Variants in SNAPC1 observed in about 807,000 individuals in gnomAD.
SNAPC1 encodes small nuclear RNA activating complex polypeptide 1, also known as snRNA-activating protein complex subunit 1.
In SNAPC1, 42 loss-of-function variants were observed where a neutral mutation model predicts 50.1. The ratio of observed to expected loss-of-function variants is 0.84; its 90% CI spans 0.65 to 1.08. SNAPC1 has a LOEUF of 1.08. SNAPC1 is among the 50% of genes least tolerant of loss of function. SNAPC1 has a pLI of 0.00. For missense variants in SNAPC1, 477 were observed against 427.3 expected, an observed-to-expected ratio of 1.12 and a Z score of -1.02; for synonymous variants, 164 against 144.2, an observed-to-expected ratio of 1.14 and a Z score of -0.98.
intron 6 of SNAPC1, 73 bp from the exon 7 acceptor site, chr14:61,778,775 A>G: frequency 1.1e-6 from 1 of 872,660 alleles, no homozygotes; most frequent in Non-Finnish European, 1.9e-6. Flanking sequence ...CTGATAATAA[A>G]TACTTGGGTA....
At chr14:61,787,894 G>C (rs1466171084) in intron 8 of SNAPC1, among the ~76,000 whole-genome samples, 3 of 152,104 alleles carry the variant, frequency 2.0e-5, no homozygotes, top group Admixed American at 2.0e-4. Flanking sequence ...CTTCATATAG[G>C]CACAGCAACG....
At chr14:61,783,206 T>G (rs2045090352) in intron 8 of SNAPC1, among the ~76,000 whole-genome samples, 1 of 151,582 alleles carries the variant, frequency 6.6e-6, no homozygotes, top group South Asian at 2.1e-4. Context: ...TTTGTATTTT[T>G]TTTTAGTAGA....
At chr14:61,781,260 T>A (rs1228141462) in intron 7 of SNAPC1, among the ~76,000 whole-genome samples, 1 of 151,898 alleles carries the variant, frequency 6.6e-6, no homozygotes, top group Non-Finnish European at 1.5e-5. Context: ...CCATCCTGGC[T>A]AACACGGTGA....
In SNAPC1 at chr14:61,762,426, G is replaced by T. The variant is rs1191048032; in HGVS notation, c.-35G>T. 3.7e-6 allele frequency: 6 copies of T among 1,604,592 alleles called. No homozygotes were observed. Among genetic ancestry groups the T allele is most frequent in the Admixed American group, 3.3e-5 (2 of 59,768 alleles). Reference sequence around the variant, plus strand: ...CACCGCTGGCTAGTCCGTTAGAGGCGTGCGGGCTTCGGAGGCGTGCGGGCT... The same window carrying T: ...CACCGCTGGCTAGTCCGTTAGAGGCTTGCGGGCTTCGGAGGCGTGCGGGCT... On this transcript the variant is annotated 5_prime_UTR_variant, in exon 1 of 10. Coordinates refer to ENST00000216294, the MANE Select transcript of SNAPC1 (RefSeq NM_003082.4).
rs770826839 is a variant in SNAPC1, at chr14:61,778,926, A to G, written c.825+16A>G. The stretch of plus-strand genomic sequence containing the variant: ...TGTCATACAGGTAAGTTATTCTTTA[A>G]TAAGGTAATTTGGAAATTGACTGCT... On this transcript the variant is annotated intron_variant, in intron 7 of 9. Coordinates refer to ENST00000216294, the MANE Select transcript of SNAPC1 (RefSeq NM_003082.4). 1.4e-6 allele frequency: 2 copies of G among 1,417,904 alleles called. No homozygotes were observed. The highest frequency in any genetic ancestry group is 4.7e-5 in the East Asian group (2 of 42,504). 87.8% of individuals were successfully genotyped at this position (1,417,904 alleles called of 1,614,324 possible).
At chr14:61,765,849 CTCCTTTCTTCT>C (rs1328619214) in intron 1 of SNAPC1, among the ~76,000 whole-genome samples, 8 of 152,200 alleles carry the variant, frequency 5.3e-5, no homozygotes. Context: ...TCCCTTCCTC[CTCCTTTCTTCT>C]GATGAGCTTG....
chr14:61,778,941 A>C (rs1159145913), intron 7 of SNAPC1, 31 bp downstream of exon 7: 1 of 1,189,178 alleles, frequency 8.4e-7, no homozygotes, highest in East Asian at 2.4e-5. Flanking sequence ...GTAATTTGGA[A>C]ATTGACTGCT....
intron 3 of SNAPC1, among the ~76,000 whole-genome samples, chr14:61,767,758 G>A (rs1273422064): frequency 6.6e-6 from 1 of 150,908 alleles, no homozygotes; most frequent in Non-Finnish European, 1.5e-5. Flanking sequence ...CACTGCGCCC[G>A]GCCTGGCTTG....
intron 5 of SNAPC1, 46 bp downstream of exon 5, chr14:61,776,299 A>C: frequency 6.5e-7 from 1 of 1,529,058 alleles, no homozygotes; most frequent in Non-Finnish European, 9.0e-7. Context: ...TTTTACACGA[A>C]TGTTTATCCG....
chr14:61,785,611 T>A (rs1278480862), intron 8 of SNAPC1, among the ~76,000 whole-genome samples: 1 of 152,160 alleles, frequency 6.6e-6, no homozygotes, highest in Admixed American at 6.5e-5. Context: ...TACAGTTTGC[T>A]TTTATACATT....
At chr14:61,772,254 A>AT (rs911370700) in intron 4 of SNAPC1, among the ~76,000 whole-genome samples, 7 of 150,984 alleles carry the variant, frequency 4.6e-5, no homozygotes, top group African/African-American at 7.3e-5. Context: ...ATGCTGGCTA[A>AT]TTTTTTTTTC....
At chr14:61,787,863 C>T (rs1277052685) in intron 8 of SNAPC1, among the ~76,000 whole-genome samples, 3 of 152,184 alleles carry the variant, frequency 2.0e-5, no homozygotes, top group Admixed American at 6.5e-5. Flanking sequence ...GAAACCCTCA[C>T]AAGCACTTTT....
rs747031130 is a variant in SNAPC1 at position 61,794,932 on chromosome 14, A to AAAC, written c.1073-16_1073-14dup. 6.4e-7 allele frequency: 1 copy of AAAC among 1,563,688 alleles called. No individual in the cohort carries two copies. The highest frequency in any genetic ancestry group is 1.8e-5 in the Admixed American group (1 of 56,004). ...TTGTTTTTAGATCTGACTGACTTTT[A>AAAC]AACTTTATGTCTTTAGAGTTCACTG... On this transcript the variant is annotated splice_polypyrimidine_tract_variant and intron_variant, in intron 9 of 9. Coordinates refer to ENST00000216294, the MANE Select transcript of SNAPC1 (RefSeq NM_003082.4).
intron 9 of SNAPC1, among the ~76,000 whole-genome samples, chr14:61,793,339 G>C (rs1043868220): frequency 6.6e-6 from 1 of 151,846 alleles, no homozygotes; most frequent in South Asian, 2.1e-4. Context: ...CCCGGCTCAG[G>C]CTATCCTCCC....
intron 1 of SNAPC1, among the ~76,000 whole-genome samples, chr14:61,764,122 C>T (rs2044929946): frequency 1.3e-5 from 2 of 152,004 alleles, no homozygotes; most frequent in South Asian, 2.1e-4. Context: ...TTAGTAGAGA[C>T]GGGATTTCAC....
At chr14:61,794,799 G>T in intron 9 of SNAPC1, 150 bp from the exon 10 acceptor site, 1 of 651,134 alleles carries the variant, frequency 1.5e-6, no homozygotes, top group South Asian at 1.7e-5. Context: ...TTGCTGTGAG[G>T]GCATTCTTAT....
At chr14:61,778,347 A>G (rs2045049544) in intron 6 of SNAPC1, among the ~76,000 whole-genome samples, 1 of 152,244 alleles carries the variant, frequency 6.6e-6, no homozygotes, top group African/African-American at 2.4e-5. Flanking sequence ...CCGCAGGGAA[A>G]GGAAAGCTTG....
intron 4 of SNAPC1, among the ~76,000 whole-genome samples, chr14:61,774,648 A>AT (rs35300490): frequency 0.036 from 3,304 of 90,782 alleles, 579 homozygotes; most frequent in Non-Finnish European, 0.05. Flanking sequence ...TCAGTTTCTC[A>AT]TTTTTTTTTT....
chr14:61,779,535 AT>A (rs1216705072), intron 7 of SNAPC1, among the ~76,000 whole-genome samples: 1 of 150,844 alleles, frequency 6.6e-6, no homozygotes, highest in Admixed American at 6.6e-5. Context: ...ATTACCAGTA[AT>A]TTTTTTTGTT....
Sources: allele counts gnomAD v4.1 joint callset (sites outside exome capture counted in the v4.1 genomes callset), GRCh38; gene constraint gnomAD v4.1.1; transcripts MANE v1.5; gene names NCBI Gene and HGNC (gene_info 2026-07-23, HGNC 2026-07-21).